QRICH1: variants seen among roughly 807,000 people sequenced by gnomAD.
The protein encoded by QRICH1 is transcriptional regulator QRICH1.
Under a neutral mutation model 87.1 loss-of-function variants are expected in QRICH1, and 16 were observed. That is an observed-to-expected ratio of 0.18 (90% CI 0.12 to 0.28). QRICH1 has a LOEUF of 0.28. Among genes scored for constraint, QRICH1 ranks in the 10% least tolerant of loss-of-function variants. The pLI, the probability that QRICH1 is intolerant of heterozygous loss-of-function variation, is 1.00. For missense variants in QRICH1, 647 were observed against 951.7 expected (o/e 0.68, Z 4.21); for synonymous variants, 367 against 368.4 (o/e 1.00, Z 0.05).
rs1403472580 is a variant in QRICH1, at chr3:49,046,577, G to A, written c.1519C>T (p.Arg507Cys). 1.9e-6 allele frequency: 3 copies of A among 1,612,860 alleles called. No homozygotes were observed. Among genetic ancestry groups the A allele is most frequent in the Admixed American group, 1.7e-5 (1 of 59,580 alleles). Residue 507 changes from arginine to cysteine, a missense_variant and splice_region_variant, in exon 5 of 10, where the codon CGC (arginine) becomes TGC (cysteine). This residue lies in a region of QRICH1 where 187 missense variants were observed against 309.5 expected (regional missense o/e 0.60). Transcript: ENST00000395443. Reference sequence around the variant, plus strand: ...TCTTCCTGGAATCGCAGCAGTTGGCGCCCTGCAACGGAAGCCTCAAAAATG... The same window carrying A: ...TCTTCCTGGAATCGCAGCAGTTGGCACCCTGCAACGGAAGCCTCAAAAATG... ...AQNRLAPIGR[R>C]QLLRFQEDLI...
intron 2 of QRICH1, among the ~76,000 whole-genome samples, chr3:49,063,086 T>C (rs748652272): frequency 6.6e-6 from 1 of 152,090 alleles, no homozygotes; most frequent in Non-Finnish European, 1.5e-5. Flanking sequence ...CATGGGGAAA[T>C]TTAACCTCTA....
At position 49,032,515 on chromosome 3, in the gene QRICH1, C is replaced by A. The variant is rs878893948; in HGVS notation, c.2047+107G>T. The stretch of plus-strand genomic sequence containing the variant: ...GGGAGAAGGGAGTGGAGAATTTTAT[C>A]CAGCAAATCCCAACCTTTACACTTA... On this transcript the variant is annotated intron_variant, in intron 8 of 9. Transcript: ENST00000395443. The A allele has an allele frequency of 1.3e-4, 175 of 1,386,764 alleles. 2 individuals are homozygous for A. The Middle Eastern group carries it at 2.1e-3, about 17-fold the overall frequency. 85.9% of individuals were successfully genotyped at this position (1,386,764 alleles called of 1,614,324 possible).
chr3:49,071,081 T>C (rs80057556), intron 2 of QRICH1, among the ~76,000 whole-genome samples: 2 of 151,852 alleles, frequency 1.3e-5, no homozygotes, highest in African/African-American at 4.8e-5. Flanking sequence ...TTTTTTTTTT[T>C]TGAGACAGAC....
intron 2 of QRICH1, among the ~76,000 whole-genome samples, chr3:49,072,555 G>A (rs1012999141): frequency 4.6e-5 from 7 of 151,298 alleles, no homozygotes; most frequent in African/African-American, 1.5e-4. Context: ...CTCTCCATAT[G>A]CCAGATACTT....
intron 1 of QRICH1, among the ~76,000 whole-genome samples, chr3:49,081,304 C>G (rs1432900702): frequency 6.6e-6 from 1 of 151,818 alleles, no homozygotes; most frequent in African/African-American, 2.4e-5. Context: ...GTAATCCCAG[C>G]TACTCAGGAG....
intron 6 of QRICH1, among the ~76,000 whole-genome samples, chr3:49,043,454 C>G (rs1035010825): frequency 7.1e-6 from 1 of 139,904 alleles, no homozygotes; most frequent in Non-Finnish European, 1.5e-5. Flanking sequence ...CAAGATCACA[C>G]CATTGCACTC....
chr3:49,073,608 T>A (rs550165955), intron 2 of QRICH1, among the ~76,000 whole-genome samples: 1 of 152,086 alleles, frequency 6.6e-6, no homozygotes, highest in African/African-American at 2.4e-5. Context: ...TTCAGAAAGT[T>A]TATCATCAAT....
At chr3:49,079,619 T>G (rs2042020522) in intron 1 of QRICH1, among the ~76,000 whole-genome samples, 2 of 151,974 alleles carry the variant, frequency 1.3e-5, no homozygotes, top group South Asian at 4.1e-4. Flanking sequence ...TTTGCCTAAC[T>G]ACAGATTCAG....
In QRICH1 at chr3:49,066,466, T is replaced by C. The variant is rs562714074; in HGVS notation, c.310-8576A>G. Among the ~76,000 whole-genome samples, 419 of 135,406 alleles carry C rather than the reference T, an allele frequency of 3.1e-3. 4 individuals are homozygous for C. The highest frequency in any genetic ancestry group is 0.01 in the African/African-American group (398 of 39,310). 88.8% of individuals were successfully genotyped at this position (135,406 alleles called of 152,430 possible). ...TATTTCTTAATTTACTTTACTTTTC[T>C]TTTTTTTTTTTTGTTGAGGCAAGAG... On this transcript the variant is annotated intron_variant, in intron 2 of 9. Coordinates refer to ENST00000395443, the MANE Select transcript of QRICH1 (RefSeq NM_198880.3).
In QRICH1 at chr3:49,057,034, A is replaced by C; in HGVS notation, c.1166T>G (p.Met389Arg). The change falls in exon 3 of 10, where the codon ATG becomes AGG. Residue 389 changes from methionine (M) to arginine (R), a missense_variant. Around this residue, in one of 7 missense-constraint regions of QRICH1, gnomAD observed 115 missense variants for 126.8 expected, o/e 0.91. Transcript: ENST00000395443. This position sits in a 1 kb window ranked among gnomAD's most constrained non-coding sequence, Gnocchi z 5.4. The part of the protein sequence containing the change: ...LANSLFPAQF[M>R]NGNIHIPVAV... The stretch of plus-strand genomic sequence containing the variant: ...CACTGGAATGTGGATGTTGCCATTC[A>C]TGAACTGTGCTGGAAAGAGAGAGTT... 6.2e-7 allele frequency: 1 copy of C among 1,614,192 alleles called. No individual in the cohort carries two copies. The highest frequency in any genetic ancestry group is 8.5e-7 in the Non-Finnish European group (1 of 1,180,038).
rs574356751 is a variant in QRICH1, at chr3:49,088,068, C to A, written c.-22+5844G>T. 2.0e-5 allele frequency among the ~76,000 whole-genome samples: 3 copies of A among 151,390 alleles called. No homozygotes were observed. The East Asian group carries it at 5.9e-4, about 30-fold the overall frequency. On this transcript the variant is annotated intron_variant, in intron 1 of 9. Transcript: ENST00000395443. ...CCGGGTTCACGCCAGTCTCCTGCCT[C>A]AGCCTCCCAAGTAGCTGGGACCACA...
intron 6 of QRICH1, among the ~76,000 whole-genome samples, chr3:49,042,292 G>A (rs1023805089): frequency 2.6e-5 from 4 of 151,560 alleles, no homozygotes; most frequent in African/African-American, 4.9e-5. Context: ...GTAGAGACGG[G>A]GTTTCACCGT....
chr3:49,067,593 A>C (rs2093475829), intron 2 of QRICH1, among the ~76,000 whole-genome samples: 1 of 151,964 alleles, frequency 6.6e-6, no homozygotes, highest in African/African-American at 2.4e-5. Context: ...AAAGAAATTA[A>C]ATGTTATTTA....
intron 3 of QRICH1, among the ~76,000 whole-genome samples, chr3:49,049,883 C>T (rs979569069): frequency 6.6e-6 from 1 of 152,112 alleles, no homozygotes; most frequent in African/African-American, 2.4e-5. Flanking sequence ...TTTTGAAAGG[C>T]AAGAACTGAG....
chr3:49,072,001 T>C (rs1303287784), intron 2 of QRICH1, among the ~76,000 whole-genome samples: 2 of 152,104 alleles, frequency 1.3e-5, no homozygotes, highest in African/African-American at 4.8e-5. Context: ...CCAGCCTTCT[T>C]TTACTTAACC....
At chr3:49,052,765 A>T (rs895715606) in intron 3 of QRICH1, among the ~76,000 whole-genome samples, 8 of 152,078 alleles carry the variant, frequency 5.3e-5, no homozygotes, top group Non-Finnish European at 8.8e-5. Flanking sequence ...GGCCTCCAAA[A>T]GTGCTGGGAT....
chr3:49,054,990 C>T (rs1274477203), intron 3 of QRICH1, among the ~76,000 whole-genome samples: 2 of 152,144 alleles, frequency 1.3e-5, no homozygotes, highest in African/African-American at 4.8e-5. Context: ...CCCAGTTTGT[C>T]TTTGTGTATA....
intron 3 of QRICH1, among the ~76,000 whole-genome samples, chr3:49,052,358 A>G (rs796635811): frequency 6.6e-6 from 1 of 152,168 alleles, no homozygotes; most frequent in East Asian, 1.9e-4. Context: ...AATAAGTCCA[A>G]GTAAATGCTA....
upstream of QRICH1, chr3:49,094,188 G>A: frequency 5.1e-6 from 2 of 392,244 alleles, no homozygotes; most frequent in Non-Finnish European, 4.5e-6. Context: ...CGCGCTTCTG[G>A]CCGCTAGAGC....
Sources: gnomAD v4.1 joint callset for allele counts (sites outside exome capture counted in the v4.1 genomes callset) on GRCh38, gnomAD v4.1.1 for gene constraint, gnomAD v4.1.1 regional missense constraint, Gnocchi (gnomAD v3.1) non-coding constraint, MANE v1.5 for transcripts, NCBI Gene and HGNC (gene_info 2026-07-23, HGNC 2026-07-21) for gene names.